SARNP: variants seen among roughly 807,000 people sequenced by gnomAD.
SARNP encodes the protein SAP domain containing ribonucleoprotein, also known as SAP domain-containing ribonucleoprotein.
In SARNP, 5 loss-of-function variants were observed where a neutral mutation model predicts 38.1. That is an observed-to-expected ratio of 0.13 (90% CI 0.07 to 0.28). SARNP has a LOEUF of 0.28. Ranked by LOEUF, SARNP falls within the 10% of genes least tolerant of loss-of-function variation. The pLI is 1.00. For synonymous variants in SARNP, 84 were observed against 80.6 expected (o/e 1.04, Z -0.23); for missense variants, 180 against 243.9 (o/e 0.74, Z 1.75).
intron 4 of SARNP, among the ~76,000 whole-genome samples, chr12:55,798,717 G>A (rs1395219070): frequency 6.6e-6 from 1 of 152,068 alleles, no homozygotes; most frequent in East Asian, 1.9e-4. Flanking sequence ...TTTATCCATA[G>A]AATGCAATAC....
rs575623194 is a variant in SARNP, at chr12:55,807,531, G to C, written c.37-3803C>G. Among the ~76,000 whole-genome samples, 30 of 151,754 alleles carry C rather than the reference G, an allele frequency of 2.0e-4. No homozygotes were observed. In the South Asian group the frequency reaches 6.0e-3, roughly 31 times the overall value. The stretch of plus-strand genomic sequence containing the variant: ...TTAAAAAAAATTTTTGGTCGGGCGT[G>C]GTGGCTCACTCCTGTAATCCCAGCA... On this transcript the variant is annotated intron_variant, in intron 1 of 10. Transcript: ENST00000336133.
chr12:55,795,874 G>C (rs775865575), intron 5 of SARNP, 151 bp downstream of exon 5: 12 of 571,584 alleles, frequency 2.1e-5, no homozygotes, highest in Admixed American at 6.5e-5. Context: ...ATTTTCCAAA[G>C]AGTAGCTGGC....
chr12:55,767,025 G>C (rs909090224), intron 9 of SARNP, among the ~76,000 whole-genome samples: 2 of 152,096 alleles, frequency 1.3e-5, no homozygotes, highest in Admixed American at 6.6e-5. Flanking sequence ...GTTCCAAACT[G>C]AGCCCTTGAA....
At chr12:55,756,402 A>G (rs1341500280), downstream of SARNP, 1 of 152,216 alleles carries the variant, frequency 6.6e-6, no homozygotes, top group African/African-American at 2.4e-5. Flanking sequence ...GGAGAAATAA[A>G]GAGATATCTT....
At chr12:55,808,749 AT>A (rs1446878767) in intron 1 of SARNP, among the ~76,000 whole-genome samples, 8 of 152,230 alleles carry the variant, frequency 5.3e-5, no homozygotes, top group African/African-American at 1.9e-4. Flanking sequence ...CAACACAGCA[AT>A]ACCTGGCCTC....
At chr12:55,794,531 G>C in intron 6 of SARNP, 144 bp from the exon 7 acceptor site, 1 of 798,506 alleles carries the variant, frequency 1.3e-6, no homozygotes. Flanking sequence ...CCCCATGAAA[G>C]AGGTTCAGAA....
intron 9 of SARNP, among the ~76,000 whole-genome samples, chr12:55,786,742 C>T (rs139093839): frequency 1.3e-5 from 2 of 152,246 alleles, no homozygotes; most frequent in African/African-American, 4.8e-5. Context: ...AGCCACCGTG[C>T]CCAGTCGTGA....
In SARNP at chr12:55,774,558, T is replaced by TAAAA. The variant is rs1565673497; in HGVS notation, c.502-13919_502-13918insTTTT. Among the ~76,000 whole-genome samples, 70 of 40,512 alleles carry TAAAA rather than the reference T, an allele frequency of 1.7e-3. 8 individuals are homozygous for TAAAA. Among genetic ancestry groups the TAAAA allele is most frequent in the African/African-American group, 2.5e-3 (56 of 22,442 alleles). The allele number at this position is 40,512 out of a possible 152,430, so 26.6% of individuals were successfully genotyped here. A position where few individuals can be genotyped will look rare whatever the true frequency, so the allele number is the denominator to read the frequency against. ...CGACACGGTGAAACCCCGTCTCTAC[T>TAAAA]GAAAAAAAAAAAAAAACAAACAAAA... On this transcript the variant is annotated intron_variant, in intron 9 of 10. Transcript: ENST00000336133.
chr12:55,786,175 G>A (rs1408401622), intron 9 of SARNP, among the ~76,000 whole-genome samples: 1 of 152,174 alleles, frequency 6.6e-6, no homozygotes, highest in African/African-American at 2.4e-5. Flanking sequence ...AAATAACACA[G>A]GTATACAGTA....
At chr12:55,775,555 C>CAAAAAAAAAAAAAA (rs56311724) in intron 9 of SARNP, among the ~76,000 whole-genome samples, 1 of 120,888 alleles carries the variant, frequency 8.3e-6, no homozygotes, top group Non-Finnish European at 1.8e-5. Context: ...AAAACAAAAA[C>CAAAAAAAAAAAAAA]AAAAAAAAAA....
chr12:55,807,757 T>G (rs1468380103), intron 1 of SARNP, among the ~76,000 whole-genome samples: 1 of 148,818 alleles, frequency 6.7e-6, no homozygotes, highest in African/African-American at 2.5e-5. Flanking sequence ...GAGCTTGCAG[T>G]GAGCCGAGAT....
chr12:55,793,284 A>C (rs1292554188), intron 7 of SARNP: 1 of 152,212 alleles, frequency 6.6e-6, no homozygotes, highest in East Asian at 1.9e-4. Flanking sequence ...GTGTCTCAAA[A>C]AATAGTAATA....
At chr12:55,771,466 G>A (rs1879006394) in intron 9 of SARNP, among the ~76,000 whole-genome samples, 1 of 152,126 alleles carries the variant, frequency 6.6e-6, no homozygotes, top group African/African-American at 2.4e-5. Context: ...CACTGTTCCT[G>A]GTCAAGTGTA....
chr12:55,776,356 T>A (rs192889972), intron 9 of SARNP, among the ~76,000 whole-genome samples: 40 of 152,052 alleles, frequency 2.6e-4, no homozygotes, highest in Admixed American at 2.4e-3. Flanking sequence ...TACTTGAGCC[T>A]AGGAGGTGGA....
At chr12:55,768,299 T>G (rs547041289) in intron 9 of SARNP, among the ~76,000 whole-genome samples, 9 of 150,920 alleles carry the variant, frequency 6.0e-5, no homozygotes, top group Middle Eastern at 3.5e-3. Flanking sequence ...CTAATTTTTT[T>G]TTTAATTTTT....
intron 1 of SARNP, among the ~76,000 whole-genome samples, chr12:55,804,410 G>A (rs1187641714): frequency 2.1e-5 from 3 of 144,694 alleles, no homozygotes; most frequent in Admixed American, 6.8e-5. Context: ...AATGCAACAC[G>A]GAAACAGAAA....
At chr12:55,777,043 T>C (rs1397894348) in intron 9 of SARNP, among the ~76,000 whole-genome samples, 1 of 152,232 alleles carries the variant, frequency 6.6e-6, no homozygotes, top group African/African-American at 2.4e-5. Context: ...AAGTCATCAG[T>C]TCTGACACGT....
intron 9 of SARNP, among the ~76,000 whole-genome samples, chr12:55,777,790 T>C (rs897037524): frequency 6.6e-5 from 10 of 152,152 alleles, no homozygotes; most frequent in African/African-American, 2.4e-4. Context: ...AGTGGGACAG[T>C]AGAAAGAGAA....
At chr12:55,804,699 T>C (rs1880085008) in intron 1 of SARNP, among the ~76,000 whole-genome samples, 5 of 152,242 alleles carry the variant, frequency 3.3e-5, no homozygotes, top group Admixed American at 3.3e-4. Flanking sequence ...CTCTATACTC[T>C]TATTTTACGA....
Sources: gnomAD v4.1 joint callset for allele counts (sites outside exome capture counted in the v4.1 genomes callset) on GRCh38, gnomAD v4.1.1 for gene constraint, MANE v1.5 for transcripts, NCBI Gene and HGNC (gene_info 2026-07-23, HGNC 2026-07-21) for gene names.